The following DNAH8 variants were observed in gnomAD, a reference collection of about 807,000 sequenced individuals.
The protein encoded by DNAH8 is axonemal beta dynein heavy chain 8.
In DNAH8, 382 loss-of-function variants were observed where a neutral mutation model predicts 562.1. The ratio of observed to expected loss-of-function variants is 0.68; its 90% confidence interval spans 0.63 to 0.74. DNAH8 has a LOEUF of 0.74. Ranked by LOEUF, DNAH8 falls within the 30% of genes least tolerant of loss-of-function variation. The pLI, the probability that DNAH8 is intolerant of heterozygous loss-of-function variation, is 0.00. For missense variants in DNAH8, 5,203 were observed against 5,620.4 expected (o/e 0.93, Z 2.37); for synonymous variants, 1,881 against 1,919.4 (o/e 0.98, Z 0.52).
intron 4 of DNAH8, among the ~76,000 whole-genome samples, chr6:38,731,528 T>C (rs184487618): frequency 2.5e-4 from 38 of 152,350 alleles, no homozygotes; most frequent in African/African-American, 8.4e-4. Flanking sequence ...AACTTTTTGC[T>C]CCCTGAAACA....
chr6:38,976,322 C>A (rs767313229), intron 85 of DNAH8, among the ~76,000 whole-genome samples: 12 of 152,146 alleles, frequency 7.9e-5, no homozygotes, highest in Admixed American at 3.3e-4. Flanking sequence ...AAAATTCCAT[C>A]GCCCAATTCT....
chr6:39,008,297 G>A (rs752642423), intron 88 of DNAH8, among the ~76,000 whole-genome samples: 2 of 152,090 alleles, frequency 1.3e-5, no homozygotes, highest in African/African-American at 2.4e-5. Flanking sequence ...GCCGATGGGC[G>A]TCAATAGATT....
Position 38,886,930 on chromosome 6 carries a change from C to T in DNAH8, c.8399C>T (p.Pro2800Leu). The T allele has an allele frequency of 1.2e-6, 2 of 1,613,970 alleles. No homozygotes were observed. Among genetic ancestry groups the T allele is most frequent in the Non-Finnish European group, 1.7e-6 (2 of 1,179,910 alleles). ...CCTGGAGGTGGTCGAAATGATATTC[C>T]ACAACGTTTAAAAAGACAATTTACT... is the stretch of plus-strand genomic sequence containing the variant. Reference protein sequence around the residue: ...IHPGGGRNDIPQRLKRQFTVF... With the variant: ...IHPGGGRNDILQRLKRQFTVF... The change falls in exon 57 of 93, where the codon CCA (proline) becomes CTA (leucine). Residue 2800 changes from proline to leucine, a missense_variant. This residue lies in a region of DNAH8 where 977 missense variants were observed against 1,061.8 expected (regional missense o/e 0.92). Transcript: ENST00000327475.
Position 38,898,150 on chromosome 6 carries a change from A to G in DNAH8, c.8941-108A>G, listed in dbSNP as rs974257820. ...ACCTCTGGAAATCCATAACGTTTAA[A>G]AAAAGATATGTATATTTTAAAATTA... On this transcript the variant is annotated intron_variant, in intron 60 of 92. Transcript: ENST00000327475. 9.9e-6 allele frequency: 10 copies of G among 1,008,812 alleles called. No homozygotes were observed. In the African/African-American group the frequency reaches 1.5e-4, roughly 16 times the overall value. The allele number at this position is 1,008,812 out of a possible 1,614,324, so 62.5% of individuals were successfully genotyped here.
chr6:38,795,328 C>T (rs1050720465), intron 21 of DNAH8, among the ~76,000 whole-genome samples: 5 of 152,136 alleles, frequency 3.3e-5, no homozygotes, highest in Non-Finnish European at 5.9e-5. Flanking sequence ...GCCCGTAATC[C>T]CAGCACTTTG....
chr6:38,895,432 G>A (rs1275199465), intron 59 of DNAH8, among the ~76,000 whole-genome samples: 1 of 152,058 alleles, frequency 6.6e-6, no homozygotes, highest in Non-Finnish European at 1.5e-5. Flanking sequence ...GATAACATTC[G>A]GAGGCACATT....
Position 38,860,522 on chromosome 6 carries a change from G to A in DNAH8, c.6024G>A (p.Lys2008=). 6.7e-7 allele frequency: 1 copy of A among 1,503,242 alleles called. No homozygotes were observed. Among genetic ancestry groups the A allele is most frequent in the Non-Finnish European group, 8.8e-7 (1 of 1,130,220 alleles). The allele number at this position is 1,503,242 out of a possible 1,614,324, so 93.1% of individuals were successfully genotyped here. A position where few individuals can be genotyped will look rare whatever the true frequency, so the allele number is the denominator to read the frequency against. Residue 2008 remains lysine, a synonymous_variant, in exon 43 of 93, where the codon AAG becomes AAA. Transcript: ENST00000327475. ...EWLKQSRFYF[K]EDLDQTVVSI... is the part of the protein sequence containing the mutation. ...TAAAACAGAGTAGATTTTATTTTAA[G>A]GAAGATTTGGATCAAACTGTGGTGT...
At chr6:38,913,256 C>G (rs535678802) in intron 66 of DNAH8, among the ~76,000 whole-genome samples, 3 of 152,320 alleles carry the variant, frequency 2.0e-5, no homozygotes, top group Admixed American at 6.5e-5. Context: ...GGACAATATA[C>G]AGATGAGGGC....
chr6:38,895,414 T>G (rs1253459193), intron 59 of DNAH8, among the ~76,000 whole-genome samples: 7 of 152,222 alleles, frequency 4.6e-5, no homozygotes, highest in Non-Finnish European at 7.3e-5. Flanking sequence ...CACCAGATCA[T>G]CAGAGGTGAT....
chr6:38,802,284 A>G (rs552848527), intron 21 of DNAH8, among the ~76,000 whole-genome samples: 1 of 149,478 alleles, frequency 6.7e-6, no homozygotes, highest in Non-Finnish European at 1.5e-5. Flanking sequence ...TTGTGCTGTC[A>G]CCCAGGCTGG....
At chr6:38,745,479 A>T (rs1344980079) in intron 8 of DNAH8, among the ~76,000 whole-genome samples, 2 of 152,252 alleles carry the variant, frequency 1.3e-5, no homozygotes, top group Non-Finnish European at 2.9e-5. Flanking sequence ...GGAAGAGTCA[A>T]CCAGGATAGT....
At chr6:38,826,706 C>T (rs1224972718) in intron 29 of DNAH8, among the ~76,000 whole-genome samples, 1 of 152,086 alleles carries the variant, frequency 6.6e-6, no homozygotes, top group Admixed American at 6.5e-5. Context: ...CATGTCAATC[C>T]CAACATGTTA....
At chr6:38,767,565 T>C (rs1027077494) in intron 11 of DNAH8, among the ~76,000 whole-genome samples, 3 of 152,246 alleles carry the variant, frequency 2.0e-5, no homozygotes, top group Non-Finnish European at 4.4e-5. Flanking sequence ...ATTTGTTCTT[T>C]TGTGTCTGGT....
intron 91 of DNAH8, among the ~76,000 whole-genome samples, chr6:39,018,001 C>G (rs1766668810): frequency 6.6e-6 from 1 of 152,114 alleles, no homozygotes; most frequent in African/African-American, 2.4e-5. Flanking sequence ...TAAGCATGCC[C>G]CAGTGCCACT....
At chr6:38,839,835 T>C (rs981554994) in intron 33 of DNAH8, among the ~76,000 whole-genome samples, 1 of 152,282 alleles carries the variant, frequency 6.6e-6, no homozygotes, top group East Asian at 1.9e-4. Flanking sequence ...GCTAATTTTA[T>C]ATTTTTAGTA....
In DNAH8 at chr6:38,834,529, C is replaced by A. The variant is rs200089826; in HGVS notation, c.4303-50C>A. On this transcript the variant is annotated intron_variant, in intron 31 of 92. Transcript: ENST00000327475. ...ATAATAGATAAACCCAATAAACTGA[C>A]AAATACATATGATTAAGAATGAAAA... 9.9e-5 allele frequency: 129 copies of A among 1,297,434 alleles called. 2 individuals carry two copies. In the Admixed American group the frequency reaches 2.9e-3, roughly 29 times the overall value. The allele number at this position is 1,297,434 out of a possible 1,614,324, so 80.4% of individuals were successfully genotyped here. A position where few individuals can be genotyped will look rare whatever the true frequency, so the allele number is the denominator to read the frequency against.
chr6:38,851,760 G>T, intron 39 of DNAH8, 86 bp downstream of exon 39: 7 of 880,988 alleles, frequency 7.9e-6, no homozygotes, highest in Non-Finnish European at 1.3e-5. Flanking sequence ...TCTTAAAAAT[G>T]CAGGCAGGAA....
rs1418094229 is a variant in DNAH8, at chr6:38,870,560, C to G, written c.6988C>G (p.Gln2330Glu). The change falls in exon 49 of 93, where the codon CAG becomes GAG. Residue 2330 changes from glutamine to glutamate, a missense_variant and splice_region_variant. Coordinates refer to ENST00000327475, the MANE Select transcript of DNAH8 (RefSeq NM_001206927.2). ...TCCACCCTGGAACCTGAAACTCGTG[C>G]AGGTAAAGACATTTTAATCTATTAT... ...NHPPWNLKLV[Q>E]LYETSLVRHG... 6.2e-7 allele frequency: 1 copy of G among 1,612,730 alleles called. No homozygotes were observed. Among genetic ancestry groups the G allele is most frequent in the Admixed American group, 1.7e-5 (1 of 59,954 alleles).
intron 89 of DNAH8, among the ~76,000 whole-genome samples, chr6:39,011,063 A>G (rs186724382): frequency 2.7e-4 from 41 of 152,234 alleles, no homozygotes; most frequent in Admixed American, 2.4e-3. Context: ...CCACCCGCAT[A>G]GGTAGTCCTA....
Sources: allele counts gnomAD v4.1 joint callset (sites outside exome capture counted in the v4.1 genomes callset), GRCh38; gene constraint gnomAD v4.1.1; regional missense constraint gnomAD v4.1.1; transcripts MANE v1.5; gene names NCBI Gene and HGNC (gene_info 2026-07-23, HGNC 2026-07-21).